Variants in C5orf15 observed in about 807,000 individuals in gnomAD.
C5orf15 encodes keratinocyte-associated transmembrane protein 2.
Under a neutral mutation model 17.8 loss-of-function variants are expected in C5orf15, and 10 were observed. That is an observed-to-expected ratio of 0.56 (90% CI 0.35 to 0.95). The LOEUF (loss-of-function observed/expected upper bound fraction) is 0.95. Among genes scored for constraint, C5orf15 ranks in the 40% least tolerant of loss-of-function variants. The pLI, the probability that C5orf15 is intolerant of heterozygous loss-of-function variation, is 0.02. For synonymous variants in C5orf15, 124 were observed against 131.0 expected (o/e 0.95, Z 0.36); for missense variants, 319 against 331.7 (o/e 0.96, Z 0.30).
intron 1 of C5orf15, among the ~76,000 whole-genome samples, chr5:133,966,732 T>A (rs1752198614): frequency 6.6e-6 from 1 of 152,208 alleles, no homozygotes; most frequent in African/African-American, 2.4e-5. Context: ...AAGGTATGCT[T>A]ACAAAAAATA....
At chr5:133,957,056 C>A in intron 2 of C5orf15, 66 bp from the exon 3 acceptor site, 1 of 1,292,656 alleles carries the variant, frequency 7.7e-7, no homozygotes, top group Admixed American at 2.1e-5. Context: ...ATTTTTATAA[C>A]AAGTAAAATA....
At chr5:133,963,704 A>C (rs1370306797) in intron 1 of C5orf15, among the ~76,000 whole-genome samples, 1 of 151,184 alleles carries the variant, frequency 6.6e-6, no homozygotes. Context: ...CAATTAAAAA[A>C]CAGAGACTGG....
intron 1 of C5orf15, among the ~76,000 whole-genome samples, chr5:133,964,172 G>A (rs10078428): frequency 2.7e-3 from 417 of 152,222 alleles, no homozygotes; most frequent in African/African-American, 8.6e-3. Context: ...AGCCGAGATC[G>A]TGCCATTGCA....
chr5:133,968,561 C>G lies in C5orf15; in HGVS notation c.24G>C (p.Arg8Ser). MAAAVPK[R>S]MRGPAQAKLL... ...GTTTCGCTTGTGCTGGCCCCCTCAT[C>G]CTCTTCGGGACGGCAGCGGCCATAA... The change falls in exon 1 of 3, where the codon AGG (arginine) becomes AGC (serine). Residue 8 changes from arginine to serine, a missense_variant. By Grantham distance (110) the Arg-to-Ser change is moderately radical (BLOSUM62 -1). Around this residue, in one of 3 missense-constraint regions of C5orf15, gnomAD observed 127 missense variants for 95.6 expected, o/e 1.33. Coordinates refer to ENST00000231512, the MANE Select transcript of C5orf15 (RefSeq NM_020199.3). The G allele has an allele frequency of 6.2e-7, 1 of 1,610,084 alleles. No individual in the cohort carries two copies. The highest frequency in any genetic ancestry group is 8.5e-7 in the Non-Finnish European group (1 of 1,178,784).
intron 2 of C5orf15, among the ~76,000 whole-genome samples, chr5:133,957,579 C>G (rs1207997363): frequency 6.6e-6 from 1 of 152,134 alleles, no homozygotes; most frequent in Non-Finnish European, 1.5e-5. Flanking sequence ...AAACACTAAA[C>G]AGTGGGATAT....
Position 133,955,527 on chromosome 5 carries a change from C to G in C5orf15, c.*1332G>C, listed in dbSNP as rs1297609885. 6.6e-6 allele frequency: 1 copy of G among 152,546 alleles called. No homozygotes were observed. The highest frequency in any genetic ancestry group is 1.5e-5 in the Non-Finnish European group (1 of 68,026). 9.4% of individuals were successfully genotyped at this position (152,546 alleles called of 1,614,324 possible). A position where few individuals can be genotyped will look rare whatever the true frequency, so the allele number is the denominator to read the frequency against. On this transcript the variant is annotated 3_prime_UTR_variant, in exon 3 of 3. Coordinates refer to ENST00000231512, the MANE Select transcript of C5orf15 (RefSeq NM_020199.3). ...TGAAATCATAGATTTATATCTTTGC[C>G]ATTTATTTTTTAAAATCTTATTCAA...
In C5orf15 at chr5:133,956,702, T is replaced by C. The variant is rs1752046635; in HGVS notation, c.*157A>G. The C allele has an allele frequency of 1.6e-6, 1 of 641,012 alleles. No homozygotes were observed. The highest frequency in any genetic ancestry group is 2.4e-6 in the Non-Finnish European group (1 of 423,682). 39.7% of individuals were successfully genotyped at this position (641,012 alleles called of 1,614,324 possible). The stretch of plus-strand genomic sequence containing the variant: ...AGCTCTAAAAGTACAGATAAAAAAT[T>C]ATATACTCGTTTGTGACATTTAATT... On this transcript the variant is annotated 3_prime_UTR_variant, in exon 3 of 3. Transcript: ENST00000231512.
chr5:133,968,380 C>A, intron 1 of C5orf15, 66 bp downstream of exon 1: 2 of 1,557,734 alleles, frequency 1.3e-6, no homozygotes, highest in South Asian at 1.2e-5. Context: ...CCTGGCCCGG[C>A]CTGTCTCCTG....
chr5:133,962,819 T>C (rs1471900817), intron 1 of C5orf15, among the ~76,000 whole-genome samples: 2 of 152,326 alleles, frequency 1.3e-5, no homozygotes, highest in East Asian at 3.9e-4. Context: ...CTAATCCTTT[T>C]CATTCCCTTA....
intron 1 of C5orf15, among the ~76,000 whole-genome samples, chr5:133,965,532 C>T (rs780449148): frequency 3.9e-5 from 6 of 152,236 alleles, no homozygotes; most frequent in Non-Finnish European, 7.3e-5. Context: ...TCTGACTTTA[C>T]GGATTTAACT....
rs1752229041 is a variant in C5orf15 at position 133,968,495 on chromosome 5, C to T, written c.90G>A (p.Ala30=). Residue 30 remains alanine, a synonymous_variant, in exon 1 of 3, where the codon GCG becomes GCA. Transcript: ENST00000231512. ...GCAGGAGCGCCAAGACCAGCGGCCG[C>T]GCCAACCCCACAAGGGCTTGGATGG... is the stretch of plus-strand genomic sequence containing the variant. ...GSAIQALVGL[A]RPLVLALLLV... 1 of 1,605,588 alleles carries T rather than the reference C, an allele frequency of 6.2e-7. No individual in the cohort carries two copies. The highest frequency in any genetic ancestry group is 1.3e-5 in the African/African-American group (1 of 74,808).
At chr5:133,968,197 T>G (rs1752223702) in intron 1 of C5orf15, among the ~76,000 whole-genome samples, 1 of 152,092 alleles carries the variant, frequency 6.6e-6, no homozygotes, top group Non-Finnish European at 1.5e-5. Context: ...CTACACACCC[T>G]GCTGCCTGCT....
At position 133,968,570 on chromosome 5, in the gene C5orf15, G is replaced by T. The variant is rs768625488; in HGVS notation, c.15C>A (p.Val5=). 6.2e-7 allele frequency: 1 copy of T among 1,609,484 alleles called. No homozygotes were observed. The highest frequency in any genetic ancestry group is 2.2e-5 in the East Asian group (1 of 44,774). The part of the protein sequence containing the change: MAAA[V]PKRMRGPAQA... ...GTGCTGGCCCCCTCATCCTCTTCGG[G>T]ACGGCAGCGGCCATAACGGACTCGG... The change falls in exon 1 of 3, where the codon GTC becomes GTA. Residue 5 remains valine, a synonymous_variant. Coordinates refer to ENST00000231512, the MANE Select transcript of C5orf15 (RefSeq NM_020199.3).
intron 1 of C5orf15, among the ~76,000 whole-genome samples, chr5:133,960,951 C>G (rs940369273): frequency 6.6e-6 from 1 of 150,854 alleles, no homozygotes; most frequent in Non-Finnish European, 1.5e-5. Flanking sequence ...AAAAAAAAAA[C>G]CTCTGTCATG....
chr5:133,963,616 TAAAGA>T (rs1752151633), intron 1 of C5orf15, among the ~76,000 whole-genome samples: 1 of 152,162 alleles, frequency 6.6e-6, no homozygotes, highest in Non-Finnish European at 1.5e-5. Context: ...TATCCCAGGC[TAAAGA>T]CAAAAAATAA....
chr5:133,968,287 C>T (rs1752225470), intron 1 of C5orf15, among the ~76,000 whole-genome samples, 159 bp downstream of exon 1: 8 of 152,074 alleles, frequency 5.3e-5, no homozygotes, highest in Admixed American at 5.2e-4. Context: ...CTTCAGACAC[C>T]ATACCCTCCG....
At chr5:133,957,103 A>G in intron 2 of C5orf15, 113 bp from the exon 3 acceptor site, 2 of 972,174 alleles carry the variant, frequency 2.1e-6, no homozygotes, top group Non-Finnish European at 3.1e-6. Context: ...AACACAAAAT[A>G]TCAACAACAA....
At chr5:133,961,232 TAAAAAAAAAAAAAAAAAAAA>T (rs56684565) in intron 1 of C5orf15, among the ~76,000 whole-genome samples, 1 of 30,440 alleles carries the variant, frequency 3.3e-5, no homozygotes, top group Non-Finnish European at 5.7e-5. Flanking sequence ...AGTCAGTTAG[TAAAAAAAAAAAAAAAAAAAA>T]AAAAAAAAAA....
At chr5:133,957,063 A>C in intron 2 of C5orf15, 73 bp from the exon 3 acceptor site, 1 of 1,247,292 alleles carries the variant, frequency 8.0e-7, no homozygotes, top group Non-Finnish European at 1.1e-6. Context: ...TAACAAGTAA[A>C]ATATCTCTCT....
Sources: allele counts gnomAD v4.1 joint callset (sites outside exome capture counted in the v4.1 genomes callset), GRCh38; gene constraint gnomAD v4.1.1; regional missense constraint gnomAD v4.1.1; transcripts MANE v1.5; gene names NCBI Gene and HGNC (gene_info 2026-07-23, HGNC 2026-07-21).